Variants in CALD1 observed in about 807,000 individuals in gnomAD.
CALD1 encodes caldesmon 1.
CALD1 carries 33 observed loss-of-function variants against 99.9 expected under a neutral mutation model. The ratio of observed to expected loss-of-function variants is 0.33; its 90% CI spans 0.25 to 0.44. The LOEUF (loss-of-function observed/expected upper bound fraction) is 0.44. Among genes scored for constraint, CALD1 ranks in the 20% least tolerant of loss-of-function variants. CALD1 has a pLI of 1.00. For missense variants in CALD1, 861 were observed against 962.1 expected (o/e 0.89, Z 1.39); for synonymous variants, 310 against 325.0 (o/e 0.95, Z 0.50).
At chr7:134,765,082 T>C (rs533352693) in intron 1 of CALD1, among the ~76,000 whole-genome samples, 1 of 152,232 alleles carries the variant, frequency 6.6e-6, no homozygotes, top group South Asian at 2.1e-4. Flanking sequence ...TTTGGAAGGC[T>C]GAGGTGGGTG....
intron 1 of CALD1, among the ~76,000 whole-genome samples, chr7:134,756,757 A>G (rs1303316397): frequency 6.6e-6 from 1 of 152,226 alleles, no homozygotes; most frequent in African/African-American, 2.4e-5. Context: ...TTCATAGTGT[A>G]TTAATAAAAT....
intron 1 of CALD1, among the ~76,000 whole-genome samples, chr7:134,800,457 G>A (rs1431232214): frequency 6.6e-6 from 1 of 151,826 alleles, no homozygotes; most frequent in African/African-American, 2.4e-5. Flanking sequence ...TACTGTTCAT[G>A]TTTCTAACTA....
At chr7:134,732,908 G>A in the CALD1 span, among the ~76,000 whole-genome samples, 5 of 152,216 alleles carry the variant, frequency 3.3e-5, no homozygotes, top group Admixed American at 1.3e-4. Flanking sequence ...CTGGATGTGC[G>A]CTCTGGCTGT....
At chr7:134,808,542 G>C (rs1798238840) in intron 1 of CALD1, among the ~76,000 whole-genome samples, 1 of 152,160 alleles carries the variant, frequency 6.6e-6, no homozygotes, top group Admixed American at 6.5e-5. Context: ...TCATTAAATG[G>C]GCACAGGCCT....
chr7:134,821,616 T>C (rs1586028481), intron 1 of CALD1, among the ~76,000 whole-genome samples: 2 of 78,944 alleles, frequency 2.5e-5, no homozygotes, highest in African/African-American at 4.4e-5. Flanking sequence ...AGAGTCTCGC[T>C]CCGTCACCCA....
chr7:134,835,171 C>T (rs1014549971), intron 1 of CALD1, among the ~76,000 whole-genome samples: 3 of 152,194 alleles, frequency 2.0e-5, no homozygotes, highest in African/African-American at 7.2e-5. Flanking sequence ...TTCAAGGCTA[C>T]ACATACTGAT....
At position 134,933,114 on chromosome 7, in the gene CALD1, G is replaced by A. The variant is rs1209133383; in HGVS notation, c.345G>A (p.Leu115=). 17 of 1,613,852 alleles carry A rather than the reference G, an allele frequency of 1.1e-5. No homozygotes were observed. Among genetic ancestry groups the A allele is most frequent in the Non-Finnish European group, 1.4e-5 (17 of 1,180,016 alleles). ...ERRQKRLQEA[L]ERQKEFDPTI... ...GCCAAAAACGCCTTCAGGAGGCTCT[G>A]GAGCGGCAGAAGGAGTTCGACCCAA... Residue 115 remains leucine, a synonymous_variant, in exon 5 of 15, where the codon CTG becomes CTA. Transcript: ENST00000361675.
chr7:134,727,001 C>G, the CALD1 span, among the ~76,000 whole-genome samples: 4 of 152,196 alleles, frequency 2.6e-5, no homozygotes, highest in African/African-American at 9.6e-5. Context: ...CTCCTCCTCA[C>G]AGCTTCTTTG....
chr7:134,851,102 A>T (rs772666884), intron 2 of CALD1, among the ~76,000 whole-genome samples: 1 of 152,216 alleles, frequency 6.6e-6, no homozygotes, highest in Non-Finnish European at 1.5e-5. Flanking sequence ...GTGAGAATAG[A>T]CTAATACAAG....
At position 134,783,575 on chromosome 7, in the gene CALD1, G is replaced by T. The variant is rs1797193132; in HGVS notation, c.-130+3826G>T. Among the ~76,000 whole-genome samples the T allele has an allele frequency of 6.6e-6, 1 of 152,132 alleles. No homozygotes were observed. Among genetic ancestry groups the T allele is most frequent in the Non-Finnish European group, 1.5e-5 (1 of 68,028 alleles). On this transcript the variant is annotated intron_variant, in intron 1 of 14. Transcript: ENST00000361675. This position sits in a 1 kb window ranked among gnomAD's most constrained non-coding sequence, Gnocchi z 4.3. ...GGGAGCGGGGTCGGGGGGAAACTAT[G>T]ACCTGGGCTGTGAGGGAGGGGTGAT...
intron 12 of CALD1, 28 bp downstream of exon 12, chr7:134,960,139 T>C: frequency 6.2e-7 from 1 of 1,611,180 alleles, no homozygotes; most frequent in Non-Finnish European, 8.5e-7. Flanking sequence ...GTCTCTTAAG[T>C]GTAGAGGGGC....
intron 4 of CALD1, among the ~76,000 whole-genome samples, chr7:134,929,813 C>T (rs1805394697): frequency 6.7e-6 from 1 of 149,832 alleles, no homozygotes; most frequent in African/African-American, 2.5e-5. Flanking sequence ...GGGTAGATAC[C>T]CAGTAGTGGG....
intron 1 of CALD1, among the ~76,000 whole-genome samples, chr7:134,782,384 A>G (rs990707270): frequency 6.6e-6 from 1 of 152,226 alleles, no homozygotes; most frequent in Non-Finnish European, 1.5e-5. Context: ...TTAGGGCCTG[A>G]GAAGATACCA....
chr7:134,795,556 A>G (rs1797714341), intron 1 of CALD1, among the ~76,000 whole-genome samples: 1 of 152,108 alleles, frequency 6.6e-6, no homozygotes, highest in African/African-American at 2.4e-5. Context: ...TTATGAACGG[A>G]AATACAGGTT....
In CALD1 at chr7:134,765,950, CTCTCTCTCTCTCTCTT is replaced by C. The variant is rs1400207809; in HGVS notation, c.-130+21603_-130+21618del. On this transcript the variant is annotated intron_variant, in intron 1 of 13. Coordinates refer to the CALD1 transcript ENST00000417172. ...CTGGCTGTTTAAAAGTGTATGGCAC[CTCTCTCTCTCTCTCTT>C]TCTCTCTCTCTCTCTAGCTAGCTCC... Among the ~76,000 whole-genome samples, 4 of 149,338 alleles carry C rather than the reference CTCTCTCTCTCTCTCTT, an allele frequency of 2.7e-5. No homozygotes were observed. The South Asian group carries it at 8.4e-4, about 32-fold the overall frequency.
chr7:134,828,888 A>G (rs1264930813), intron 1 of CALD1, among the ~76,000 whole-genome samples: 1 of 152,206 alleles, frequency 6.6e-6, no homozygotes, highest in Non-Finnish European at 1.5e-5. Context: ...CTATATATTC[A>G]TTCTTTTATT....
intron 13 of CALD1, chr7:134,963,029 G>T: frequency 2.5e-6 from 1 of 394,476 alleles, no homozygotes; most frequent in Admixed American, 3.0e-5. Flanking sequence ...CTCTTTAAGT[G>T]ATCTTGAAAG....
chr7:134,795,545 T>C (rs1290352026), intron 1 of CALD1, among the ~76,000 whole-genome samples: 1 of 152,164 alleles, frequency 6.6e-6, no homozygotes, highest in Non-Finnish European at 1.5e-5. Context: ...AAATAGATAT[T>C]TTATGAACGG....
At chr7:134,777,377 G>A (rs1395168825), upstream of CALD1, among the ~76,000 whole-genome samples, 1 of 152,008 alleles carries the variant, frequency 6.6e-6, no homozygotes, top group Non-Finnish European at 1.5e-5. Flanking sequence ...TTTATCTATG[G>A]AAACATACTA....
Sources: gnomAD v4.1 joint callset for allele counts (sites outside exome capture counted in the v4.1 genomes callset) on GRCh38, gnomAD v4.1.1 for gene constraint, Gnocchi (gnomAD v3.1) non-coding constraint, MANE v1.5 for transcripts, NCBI Gene and HGNC (gene_info 2026-07-23, HGNC 2026-07-21) for gene names.